GRAMD1C: variants seen among roughly 807,000 people sequenced by gnomAD.
The protein encoded by GRAMD1C is protein Aster-C.
In GRAMD1C, 89 loss-of-function variants were observed where a neutral mutation model predicts 97.8. That is an observed-to-expected ratio of 0.91 (90% CI 0.77 to 1.09). GRAMD1C has a LOEUF of 1.09. GRAMD1C is among the 50% of genes least tolerant of loss of function. The pLI is 0.00. For synonymous variants in GRAMD1C, 256 were observed against 267.0 expected (o/e 0.96, Z 0.40); for missense variants, 740 against 766.4 (o/e 0.97, Z 0.41).
intron 6 of GRAMD1C, chr3:113,886,043 C>A: frequency 8.6e-7 from 1 of 1,167,918 alleles, no homozygotes. Flanking sequence ...AGCTAATCCC[C>A]CTCCACTTGG....
intron 1 of GRAMD1C, among the ~76,000 whole-genome samples, chr3:113,843,979 C>T (rs1933495634): frequency 1.3e-5 from 2 of 152,214 alleles, no homozygotes; most frequent in Non-Finnish European, 2.9e-5. Flanking sequence ...CAAACGGACA[C>T]TCCCATTAAA....
chr3:113,938,923 T>G (rs1158158630), intron 15 of GRAMD1C: 1 of 152,208 alleles, frequency 6.6e-6, no homozygotes, highest in Non-Finnish European at 1.5e-5. Context: ...AGAAGATGTT[T>G]GTTGTTCCTT....
At chr3:113,882,103 A>G (rs558501107) in intron 5 of GRAMD1C, among the ~76,000 whole-genome samples, 3 of 152,308 alleles carry the variant, frequency 2.0e-5, no homozygotes, top group East Asian at 3.9e-4. Flanking sequence ...GTCTTGTTGC[A>G]TTTTCTTATA....
chr3:113,925,841 G>C (rs1937214600), intron 10 of GRAMD1C, among the ~76,000 whole-genome samples: 1 of 152,126 alleles, frequency 6.6e-6, no homozygotes, highest in Non-Finnish European at 1.5e-5. Flanking sequence ...ACTTAGTTTG[G>C]CTGGATATGA....
intron 13 of GRAMD1C, among the ~76,000 whole-genome samples, chr3:113,935,866 T>C (rs1160723971): frequency 6.6e-6 from 1 of 152,190 alleles, no homozygotes; most frequent in Non-Finnish European, 1.5e-5. Flanking sequence ...TGTAAACCTT[T>C]GTTGAAAATT....
At chr3:113,858,719 A>G (rs889415863) in intron 2 of GRAMD1C, among the ~76,000 whole-genome samples, 1 of 151,858 alleles carries the variant, frequency 6.6e-6, no homozygotes, top group African/African-American at 2.4e-5. Flanking sequence ...TATTTTTAGT[A>G]GCTGGGATTT....
chr3:113,897,621 T>C (rs1325716352), intron 6 of GRAMD1C: 2 of 983,648 alleles, frequency 2.0e-6, no homozygotes, highest in Non-Finnish European at 2.4e-6. Flanking sequence ...GCAGTGATTA[T>C]TTTTACATAG....
intron 3 of GRAMD1C, among the ~76,000 whole-genome samples, chr3:113,874,444 G>A (rs748532150): frequency 5.1e-4 from 77 of 151,950 alleles, no homozygotes; most frequent in Non-Finnish European, 7.9e-4. Context: ...CACCTTCCAG[G>A]TTCAAGAGAT....
At chr3:113,895,982 G>C (rs1414951074) in intron 6 of GRAMD1C, among the ~76,000 whole-genome samples, 1 of 152,128 alleles carries the variant, frequency 6.6e-6, no homozygotes, top group Non-Finnish European at 1.5e-5. Flanking sequence ...TTCTGAACTT[G>C]TTACTTTTCT....
At chr3:113,872,297 T>A (rs941166830) in intron 3 of GRAMD1C, among the ~76,000 whole-genome samples, 10 of 152,006 alleles carry the variant, frequency 6.6e-5, no homozygotes, top group Non-Finnish European at 1.5e-4. Flanking sequence ...AAAACTTAAA[T>A]GGGAACAGAC....
In GRAMD1C at chr3:113,897,514, C is replaced by T. The variant is rs999836191; in HGVS notation, c.541-3517C>T. 18 of 984,212 alleles carry T rather than the reference C, an allele frequency of 1.8e-5. No individual in the cohort carries two copies. The Admixed American group carries it at 3.1e-4, about 17-fold the overall frequency. 61.0% of individuals were successfully genotyped at this position (984,212 alleles called of 1,614,324 possible). A position where few individuals can be genotyped will look rare whatever the true frequency, so the allele number is the denominator to read the frequency against. ...TCCAATTCTGCATTCTGACCTGCAACCTTGGAAAGAGTGCTGGTACTACAA... is the reference window on the plus strand; with the variant it reads ...TCCAATTCTGCATTCTGACCTGCAATCTTGGAAAGAGTGCTGGTACTACAA... On this transcript the variant is annotated intron_variant, in intron 6 of 17. Coordinates refer to ENST00000358160, the MANE Select transcript of GRAMD1C (RefSeq NM_017577.5).
intron 6 of GRAMD1C, among the ~76,000 whole-genome samples, chr3:113,896,232 T>A (rs1414059727): frequency 6.6e-6 from 1 of 152,222 alleles, no homozygotes; most frequent in African/African-American, 2.4e-5. Flanking sequence ...TCATCTTACT[T>A]GACCTTTCGG....
chr3:113,936,687 A>G, intron 14 of GRAMD1C: 1 of 330,766 alleles, frequency 3.0e-6, no homozygotes, highest in South Asian at 1.1e-4. Context: ...AGAATTGGAC[A>G]TTAAACTTTT....
chr3:113,850,014 C>CG (rs1553715276), intron 2 of GRAMD1C, among the ~76,000 whole-genome samples: 1 of 119,458 alleles, frequency 8.4e-6, no homozygotes, highest in African/African-American at 3.7e-5. Context: ...GCTGGCCGGG[C>CG]GGGGGGCTGA....
intron 2 of GRAMD1C, among the ~76,000 whole-genome samples, chr3:113,860,180 C>T (rs1418328217): frequency 1.3e-5 from 2 of 152,092 alleles, no homozygotes; most frequent in African/African-American, 2.4e-5. Flanking sequence ...TGCCACCACG[C>T]CCAGCTAATT....
chr3:113,875,375 G>A (rs929619113), intron 3 of GRAMD1C, 109 bp from the exon 4 acceptor site: 3 of 632,300 alleles, frequency 4.7e-6, no homozygotes, highest in Non-Finnish European at 5.7e-6. Flanking sequence ...ATGAATGAAT[G>A]AACTAATGAA....
chr3:113,945,312 A>C, intron 17 of GRAMD1C, 86 bp from the exon 18 acceptor site: 1 of 757,348 alleles, frequency 1.3e-6, no homozygotes, highest in South Asian at 1.5e-5. Context: ...ATTAAGTGTC[A>C]CTGTAAATTT....
At chr3:113,885,332 C>A (rs1391333106) in intron 6 of GRAMD1C, 3 of 1,589,490 alleles carry the variant, frequency 1.9e-6, no homozygotes, top group Non-Finnish European at 1.7e-6. Flanking sequence ...GGACTGCGCA[C>A]GTTCGTGGCC....
At chr3:113,835,758 C>CA (rs1709622020), upstream of GRAMD1C, among the ~76,000 whole-genome samples, 2 of 152,116 alleles carry the variant, frequency 1.3e-5, no homozygotes, top group African/African-American at 4.8e-5. Context: ...ACATTTTTGT[C>CA]TGTGTTTAGA....
Sources: allele counts gnomAD v4.1 joint callset (sites outside exome capture counted in the v4.1 genomes callset), GRCh38; gene constraint gnomAD v4.1.1; transcripts MANE v1.5; gene names NCBI Gene and HGNC (gene_info 2026-07-23, HGNC 2026-07-21).